ADAP1: variants seen among roughly 807,000 people sequenced by gnomAD.
ADAP1 encodes ArfGAP with dual PH domains 1.
ADAP1 carries 31 observed loss-of-function variants against 54.9 expected under a neutral mutation model. The observed-to-expected ratio is 0.56, with a 90% CI of 0.42 to 0.76. The LOEUF (loss-of-function observed/expected upper bound fraction) is 0.76. Among genes scored for constraint, ADAP1 ranks in the 30% least tolerant of loss-of-function variants. The pLI is 0.00. For missense variants in ADAP1, 535 were observed against 512.4 expected (o/e 1.04, Z -0.42); for synonymous variants, 313 against 202.6 (o/e 1.55, Z -4.63).
chr7:913,890 G>A (rs962070268), intron 4 of ADAP1, among the ~76,000 whole-genome samples: 2 of 152,148 alleles, frequency 1.3e-5, no homozygotes, highest in African/African-American at 4.8e-5. Flanking sequence ...AGCTGAGACC[G>A]CACCATTGCA....
intron 5 of ADAP1, among the ~76,000 whole-genome samples, 192 bp downstream of exon 5, chr7:904,868 C>G (rs562486547): frequency 6.6e-6 from 1 of 152,228 alleles, no homozygotes; most frequent in Non-Finnish European, 1.5e-5. Context: ...CTCAGCTGCC[C>G]CACCCTGGGG....
chr7:930,127 A>AAAAC (rs1846522730), intron 2 of ADAP1, among the ~76,000 whole-genome samples: 1 of 141,952 alleles, frequency 7.0e-6, no homozygotes, highest in African/African-American at 2.6e-5. Flanking sequence ...AAAAAAAAAA[A>AAAAC]CCCTCAGGCA....
At chr7:941,905 TA>T (rs1846948165) in intron 1 of ADAP1, among the ~76,000 whole-genome samples, 3 of 152,202 alleles carry the variant, frequency 2.0e-5, no homozygotes, top group South Asian at 2.1e-4. Flanking sequence ...ATTAAAAAAT[TA>T]CAGTTATCAA....
rs113851960 is a variant in ADAP1, at chr7:937,685, T to C, written c.83-2180A>G. The stretch of plus-strand genomic sequence containing the variant: ...CCCGGCCTCTGGGATTTGGGGGTCA[T>C]GCCCGGCCTCTGGGATTTGGGGGTC... On this transcript the variant is annotated intron_variant, in intron 1 of 10. Transcript: ENST00000265846. Among the ~76,000 whole-genome samples, 302 of 30,724 alleles carry C rather than the reference T, an allele frequency of 9.8e-3. 44 individuals are homozygous for C. Among genetic ancestry groups the C allele is most frequent in the Middle Eastern group, 0.019 (1 of 54 alleles). The allele number at this position is 30,724 out of a possible 152,430, so 20.2% of individuals were successfully genotyped here.
Position 926,973 on chromosome 7 carries a change from G to A in ADAP1, c.214-329C>T. 7.9e-7 allele frequency: 1 copy of A among 1,261,216 alleles called. No individual in the cohort carries two copies. 78.1% of individuals were successfully genotyped at this position (1,261,216 alleles called of 1,614,324 possible). On this transcript the variant is annotated intron_variant, in intron 2 of 10. Coordinates refer to ENST00000265846, the MANE Select transcript of ADAP1 (RefSeq NM_006869.4). The surrounding 1 kb of genome is among the most constrained non-coding windows in gnomAD (Gnocchi z 4.6). ...GTCCACCCACACCGGGTGTCCCGTG[G>A]GAGAGAGCTGGCTGCATCCTGTGAC...
At chr7:913,198 C>CT (rs10698107) in intron 4 of ADAP1, among the ~76,000 whole-genome samples, 2,882 of 104,174 alleles carry the variant, frequency 0.028, 186 homozygotes, top group African/African-American at 0.083. Flanking sequence ...CCTCCCCTTC[C>CT]TTTTTTTTTT....
At chr7:947,212 TG>T (rs1313771736) in intron 1 of ADAP1, among the ~76,000 whole-genome samples, 82 of 138,954 alleles carry the variant, frequency 5.9e-4, no homozygotes, top group Admixed American at 2.6e-3. Context: ...GCTGATTTTT[TG>T]GTTTTTTTTT....
At chr7:953,831 G>A (rs868704423) in intron 1 of ADAP1, among the ~76,000 whole-genome samples, 6 of 152,102 alleles carry the variant, frequency 3.9e-5, no homozygotes, top group Non-Finnish European at 7.4e-5. Context: ...ACCTGCGTCC[G>A]GCCCCACCTC....
chr7:926,649 A>G lies in ADAP1; in HGVS notation c.214-5T>C. On this transcript the variant is annotated splice_region_variant and splice_polypyrimidine_tract_variant and intron_variant, in intron 2 of 10. Coordinates refer to ENST00000265846, the MANE Select transcript of ADAP1 (RefSeq NM_006869.4). The surrounding 1 kb of genome is among the most constrained non-coding windows in gnomAD (Gnocchi z 4.6). ...GTTCCCGTGGGAGGCCATGAACTGC[A>G]AGAGAGGAGGGGCCGGGTCAGAGGC... 6.5e-7 allele frequency: 1 copy of G among 1,540,466 alleles called. No homozygotes were observed. The highest frequency in any genetic ancestry group is 8.8e-7 in the Non-Finnish European group (1 of 1,142,786).
chr7:919,697 A>G (rs1312761882), intron 4 of ADAP1, among the ~76,000 whole-genome samples: 1 of 53,862 alleles, frequency 1.9e-5, no homozygotes, highest in Non-Finnish European at 3.6e-5. Flanking sequence ...AGAGAGATAA[A>G]GACAGGGGAG....
At chr7:900,670 C>T (rs1277012426) in intron 6 of ADAP1, 54 bp from the exon 7 acceptor site, 5 of 1,358,990 alleles carry the variant, frequency 3.7e-6, no homozygotes, top group East Asian at 2.4e-5. Context: ...GCGCTGGGGT[C>T]CCCACAGAGG....
intron 4 of ADAP1, among the ~76,000 whole-genome samples, chr7:913,753 G>T (rs922373982): frequency 3.3e-5 from 5 of 152,018 alleles, no homozygotes; most frequent in Admixed American, 2.6e-4. Flanking sequence ...TGGCCAACAT[G>T]ATGAAATCCT....
At chr7:923,245 C>G (rs1226920299) in intron 3 of ADAP1, 1 of 152,034 alleles carries the variant, frequency 6.6e-6, no homozygotes, top group Non-Finnish European at 1.5e-5. Flanking sequence ...CCCTGTCCAG[C>G]CCGGACACCT....
chr7:906,737 C>T (rs1157984839), intron 4 of ADAP1, among the ~76,000 whole-genome samples: 2 of 37,340 alleles, frequency 5.4e-5, no homozygotes, highest in African/African-American at 2.0e-4. Flanking sequence ...ACATGGGGGA[C>T]AGAGTACATA....
intron 2 of ADAP1, among the ~76,000 whole-genome samples, chr7:929,316 C>CA (rs1373208193): frequency 2.7e-5 from 4 of 150,636 alleles, no homozygotes; most frequent in African/African-American, 7.3e-5. Context: ...AAGAGCAACA[C>CA]AATTCTGACA....
At position 939,692 on chromosome 7, in the gene ADAP1, G is replaced by T. The variant is rs541433260; in HGVS notation, c.83-4187C>A. ...CTAAAAATACAAAAATTAGCCGGGC[G>T]TGGTGGCGGGTGCCTGTAATCCCAG... On this transcript the variant is annotated intron_variant, in intron 1 of 10. Transcript: ENST00000265846. 5.9e-5 allele frequency among the ~76,000 whole-genome samples: 9 copies of T among 152,038 alleles called. No homozygotes were observed. The East Asian group carries it at 1.8e-3, about 30-fold the overall frequency.
intron 1 of ADAP1, among the ~76,000 whole-genome samples, chr7:941,778 G>A (rs1171277940): frequency 6.6e-6 from 1 of 152,138 alleles, no homozygotes; most frequent in Non-Finnish European, 1.5e-5. Context: ...TTTAAAAATA[G>A]AAATGAACAA....
At chr7:922,494 T>C (rs1312517370) in intron 3 of ADAP1, among the ~76,000 whole-genome samples, 1 of 152,106 alleles carries the variant, frequency 6.6e-6, no homozygotes, top group Non-Finnish European at 1.5e-5. Flanking sequence ...CAAGATGCCA[T>C]GGGAGACCCC....
At chr7:905,273 G>C in intron 4 of ADAP1, 101 bp from the exon 5 acceptor site, 4 of 510,126 alleles carry the variant, frequency 7.8e-6, no homozygotes, top group South Asian at 3.5e-5. Context: ...GAGAAGACAC[G>C]GGGGACACGG....
Sources: allele counts gnomAD v4.1 joint callset (sites outside exome capture counted in the v4.1 genomes callset), GRCh38; gene constraint gnomAD v4.1.1; non-coding constraint Gnocchi (gnomAD v3.1); transcripts MANE v1.5; gene names NCBI Gene and HGNC (gene_info 2026-07-23, HGNC 2026-07-21).